Variants in SUSD4 observed in about 807,000 individuals in gnomAD.
SUSD4 encodes the protein sushi domain-containing protein 4.
A neutral mutation model predicts 50.5 loss-of-function variants in SUSD4; 41 were observed. The ratio of observed to expected loss-of-function variants is 0.81; its 90% CI spans 0.63 to 1.05. SUSD4 has a LOEUF of 1.05. Among genes scored for constraint, SUSD4 ranks in the 50% least tolerant of loss-of-function variants. SUSD4 has a pLI of 0.00. For synonymous variants in SUSD4, 257 were observed against 257.3 expected (o/e 1.00, Z 0.01); for missense variants, 580 against 634.7 (o/e 0.91, Z 0.93).
intron 5 of SUSD4, among the ~76,000 whole-genome samples, chr1:223,247,230 A>G (rs1180978138): frequency 6.6e-6 from 1 of 152,210 alleles, no homozygotes; most frequent in African/African-American, 2.4e-5. Flanking sequence ...GCTGGTCCAC[A>G]TTGCCCACTG....
chr1:223,243,655 C>A (rs1441064350), intron 5 of SUSD4, among the ~76,000 whole-genome samples: 1 of 152,228 alleles, frequency 6.6e-6, no homozygotes, highest in African/African-American at 2.4e-5. Flanking sequence ...AATCTCAAAC[C>A]ACTTCCCGCC....
Position 223,261,035 on chromosome 1 carries a change from C to T in SUSD4, c.724+3595G>A, listed in dbSNP as rs1361344515. On this transcript the variant is annotated intron_variant, in intron 5 of 8. Transcript: ENST00000366878. ...GGGTCAGGACAAGTCATGGCATTCTCCAAGGGGTCATGTCCTCATCTGTAA... is the reference window on the plus strand; with the variant it reads ...GGGTCAGGACAAGTCATGGCATTCTTCAAGGGGTCATGTCCTCATCTGTAA... Among the ~76,000 whole-genome samples the T allele has an allele frequency of 3.3e-5, 5 of 152,168 alleles. 1 individual carries two copies. The highest frequency in any genetic ancestry group is 3.3e-4 in the Admixed American group (5 of 15,284).
intron 5 of SUSD4, among the ~76,000 whole-genome samples, chr1:223,252,234 A>ATATAT (rs1553285698): frequency 0.021 from 1,520 of 73,970 alleles, 14 homozygotes; most frequent in African/African-American, 0.038. Context: ...AAAAAAAAAA[A>ATATAT]AAATATATAT....
At chr1:223,345,202 G>A (rs940674848) in intron 2 of SUSD4, among the ~76,000 whole-genome samples, 1 of 152,130 alleles carries the variant, frequency 6.6e-6, no homozygotes, top group Non-Finnish European at 1.5e-5. Context: ...CTGAGAACAC[G>A]AGGTGGTCTT....
chr1:223,287,328 C>T (rs1229707492), intron 3 of SUSD4, among the ~76,000 whole-genome samples: 4 of 152,188 alleles, frequency 2.6e-5, no homozygotes, highest in African/African-American at 7.2e-5. Flanking sequence ...CCACCCACCT[C>T]AGCCTGTCAA....
At chr1:223,251,449 A>G (rs1281639929) in intron 5 of SUSD4, among the ~76,000 whole-genome samples, 1 of 152,184 alleles carries the variant, frequency 6.6e-6, no homozygotes, top group Non-Finnish European at 1.5e-5. Flanking sequence ...CACCCCCATG[A>G]TCCAATCACC....
chr1:223,307,018 C>T (rs1455249866), intron 2 of SUSD4, among the ~76,000 whole-genome samples: 1 of 149,846 alleles, frequency 6.7e-6, no homozygotes, highest in Admixed American at 6.7e-5. Flanking sequence ...TTTTCTTTTA[C>T]AAATTATTTT....
chr1:223,345,620 A>G (rs1667988568), intron 2 of SUSD4, among the ~76,000 whole-genome samples: 1 of 152,214 alleles, frequency 6.6e-6, no homozygotes. Context: ...TGGTTCCTAC[A>G]TCACATTTAT....
intron 2 of SUSD4, among the ~76,000 whole-genome samples, chr1:223,299,014 G>A (rs1665017633): frequency 6.6e-6 from 1 of 152,188 alleles, no homozygotes; most frequent in Non-Finnish European, 1.5e-5. Context: ...AGATGAGATG[G>A]TACAAGAAGA....
chr1:223,358,033 G>C (rs41460051), intron 2 of SUSD4, among the ~76,000 whole-genome samples: 9,501 of 152,298 alleles, frequency 0.062, 462 homozygotes, highest in East Asian at 0.2. Context: ...GAGGAGCAGT[G>C]TGCAAAATCA....
intron 2 of SUSD4, among the ~76,000 whole-genome samples, chr1:223,315,569 T>C (rs1327568878): frequency 2.0e-5 from 3 of 152,238 alleles, no homozygotes; most frequent in East Asian, 1.9e-4. Flanking sequence ...TTCAGAGAGA[T>C]TGATTTGAGT....
At chr1:223,276,083 G>A (rs942769509) in intron 3 of SUSD4, among the ~76,000 whole-genome samples, 1 of 152,218 alleles carries the variant, frequency 6.6e-6, no homozygotes, top group African/African-American at 2.4e-5. Flanking sequence ...CATCTGCAGT[G>A]GGTTTGGAAG....
intron 3 of SUSD4, among the ~76,000 whole-genome samples, chr1:223,281,477 T>A (rs185771184): frequency 2.0e-5 from 3 of 152,184 alleles, no homozygotes; most frequent in Non-Finnish European, 2.9e-5. Flanking sequence ...CAAATAAACT[T>A]GAAAATCTAG....
chr1:223,364,541 C>G (rs991744500), upstream of SUSD4, among the ~76,000 whole-genome samples: 1 of 150,006 alleles, frequency 6.7e-6, no homozygotes, highest in Non-Finnish European at 1.5e-5. The surrounding 1 kb of genome is among the most constrained non-coding windows in gnomAD (Gnocchi z 4.5). Flanking sequence ...GCGCGAGGCG[C>G]CGGCGGCCGG....
chr1:223,341,379 C>T (rs1667746340), intron 2 of SUSD4, among the ~76,000 whole-genome samples: 1 of 152,232 alleles, frequency 6.6e-6, no homozygotes, highest in Non-Finnish European at 1.5e-5. Flanking sequence ...GCCACGGCTG[C>T]ATCTCTCTAG....
rs561498654 is a variant in SUSD4, at chr1:223,222,531, C to T, written c.1445-311G>A. 6.8e-4 allele frequency among the ~76,000 whole-genome samples: 104 copies of T among 152,274 alleles called. 1 individual carries two copies. Among genetic ancestry groups the T allele is most frequent in the Admixed American group, 1.2e-3 (18 of 15,292 alleles). Reference sequence around the variant, plus strand: ...TGCAAATTCAAGTACAGAAAGGCAGCGTGGTTTGCAGAAAAGGAACACTGT... The same window carrying T: ...TGCAAATTCAAGTACAGAAAGGCAGTGTGGTTTGCAGAAAAGGAACACTGT... On this transcript the variant is annotated intron_variant, in intron 8 of 8. Coordinates refer to ENST00000366878, the MANE Select transcript of SUSD4 (RefSeq NM_017982.4).
intron 2 of SUSD4, among the ~76,000 whole-genome samples, chr1:223,317,326 G>A (rs906779130): frequency 3.9e-5 from 6 of 152,188 alleles, no homozygotes; most frequent in Non-Finnish European, 5.9e-5. Flanking sequence ...AAAAGGGGAA[G>A]CATGAATAAT....
At chr1:223,286,784 T>C (rs982146413) in intron 3 of SUSD4, among the ~76,000 whole-genome samples, 2 of 152,242 alleles carry the variant, frequency 1.3e-5, no homozygotes, top group South Asian at 2.1e-4. Context: ...AGATGTAGAA[T>C]GTCTCAAGCG....
At chr1:223,232,343 T>G (rs992717868) in intron 5 of SUSD4, among the ~76,000 whole-genome samples, 23 of 152,220 alleles carry the variant, frequency 1.5e-4, no homozygotes, top group Non-Finnish European at 2.9e-4. Flanking sequence ...TACTTGACTG[T>G]AATAGTCATT....
Sources: allele counts gnomAD v4.1 joint callset (sites outside exome capture counted in the v4.1 genomes callset), GRCh38; gene constraint gnomAD v4.1.1; non-coding constraint Gnocchi (gnomAD v3.1); transcripts MANE v1.5; gene names NCBI Gene and HGNC (gene_info 2026-07-23, HGNC 2026-07-21).